CACNA1H: variants seen among roughly 807,000 people sequenced by gnomAD.
CACNA1H encodes calcium voltage-gated channel subunit alpha1 H.
CACNA1H carries 149 observed loss-of-function variants against 192.5 expected under a neutral mutation model. That is an observed-to-expected ratio of 0.77 (90% CI 0.68 to 0.89). The LOEUF (loss-of-function observed/expected upper bound fraction) is 0.89, where lower values mean the gene tolerates loss of function less well. CACNA1H is among the 40% of genes least tolerant of loss of function. The probability of loss-of-function intolerance (pLI) is 0.00; values close to 1 mark genes in which losing one functional copy is unlikely to be tolerated. For synonymous variants in CACNA1H, 2,202 were observed against 1,475.2 expected (o/e 1.49, Z -11.29); for missense variants, 4,257 against 3,423.5 (o/e 1.24, Z -6.08).
At chr16:1,219,194 G>A (rs1181533221) in intron 34 of CACNA1H, 64 bp downstream of exon 34, 70 of 1,421,098 alleles carry the variant, frequency 4.9e-5, no homozygotes, top group South Asian at 3.0e-4. Flanking sequence ...GGGATGCCTC[G>A]TCTCATCTGA....
intron 14 of CACNA1H, 98 bp from the exon 15 acceptor site, chr16:1,207,672 C>T (rs1341877309): frequency 1.7e-6 from 2 of 1,153,578 alleles, no homozygotes; most frequent in Non-Finnish European, 2.5e-6. Context: ...CCCTTCTGTC[C>T]ACACCCCACC....
chr16:1,195,999 C>G lies in CACNA1H; in HGVS notation c.619C>G (p.Leu207Val). ...AIRTVRVLRP[L>V]RAINRVPSMR... is the part of the protein sequence containing the mutation. ...CAGGACCGTGCGGGTGCTGCGGCCC[C>G]TCCGCGCCATCAACCGCGTGCCTAG... is the stretch of plus-strand genomic sequence containing the variant. The change falls in exon 5 of 35, where the codon CTC (leucine) becomes GTC (valine). Residue 207 changes from leucine (L) to valine (V), a missense_variant. Transcript: ENST00000348261. 6.2e-7 allele frequency: 1 copy of G among 1,612,956 alleles called. No individual in the cohort carries two copies. The highest frequency in any genetic ancestry group is 8.5e-7 in the Non-Finnish European group (1 of 1,179,784).
chr16:1,221,691 TA>T lies in CACNA1H; in HGVS notation c.*699del. On this transcript the variant is annotated 3_prime_UTR_variant, in exon 35 of 35. Coordinates refer to ENST00000348261, the MANE Select transcript of CACNA1H (RefSeq NM_021098.3). The stretch of plus-strand genomic sequence containing the variant: ...TTTAAATTCAGGTTAAATGTTGCAA[TA>T]ATCTGATGCAGAAGACTCAGCTTCT... The T allele has an allele frequency of 8.1e-7, 1 of 1,235,322 alleles. No homozygotes were observed. The highest frequency in any genetic ancestry group is 1.1e-6 in the Non-Finnish European group (1 of 902,250). 76.5% of individuals were successfully genotyped at this position (1,235,322 alleles called of 1,614,324 possible).
chr16:1,199,458 C>T (rs1363897918), intron 6 of CACNA1H, among the ~76,000 whole-genome samples: 1 of 96,938 alleles, frequency 1.0e-5, no homozygotes, highest in Non-Finnish European at 2.3e-5. Context: ...TGCATATATG[C>T]CCCACCCCCA....
At chr16:1,158,714 G>A (rs1053210762) in intron 2 of CACNA1H, among the ~76,000 whole-genome samples, 4 of 152,178 alleles carry the variant, frequency 2.6e-5, no homozygotes, top group Non-Finnish European at 5.9e-5. Flanking sequence ...CTGCGGCCGG[G>A]GCTGCCGGGC....
rs769867201 is a variant in CACNA1H at position 1,220,376 on chromosome 16, C to T, written c.6444C>T (p.Gly2148=). The T allele has an allele frequency of 4.1e-5, 62 of 1,523,268 alleles. No individual in the cohort carries two copies. The highest frequency in any genetic ancestry group is 5.2e-5 in the Non-Finnish European group (59 of 1,144,010). The allele number at this position is 1,523,268 out of a possible 1,614,324, so 94.4% of individuals were successfully genotyped here. A position where few individuals can be genotyped will look rare whatever the true frequency, so the allele number is the denominator to read the frequency against. ...VDAQGFLDKP[G]RADEQWRPSA... ...CTCAGGGCTTCCTGGACAAGCCGGGCCGGGCAGACGAGCAGTGGCGGCCCT... is the reference window on the plus strand; with the variant it reads ...CTCAGGGCTTCCTGGACAAGCCGGGTCGGGCAGACGAGCAGTGGCGGCCCT... The change falls in exon 35 of 35, where the codon GGC becomes GGT. Residue 2148 remains glycine (G), a synonymous_variant. Coordinates refer to ENST00000348261, the MANE Select transcript of CACNA1H (RefSeq NM_021098.3).
intron 2 of CACNA1H, among the ~76,000 whole-genome samples, chr16:1,172,443 C>T (rs1964461141): frequency 6.6e-6 from 1 of 151,826 alleles, no homozygotes; most frequent in African/African-American, 2.4e-5. Flanking sequence ...CCTCACCCTG[C>T]CCTGGGCCTG....
At chr16:1,178,415 C>T (rs1291712494) in intron 2 of CACNA1H, among the ~76,000 whole-genome samples, 1 of 151,342 alleles carries the variant, frequency 6.6e-6, no homozygotes, top group Non-Finnish European at 1.5e-5. Flanking sequence ...AGTCCTAACC[C>T]ACCCCCCCAA....
intron 2 of CACNA1H, among the ~76,000 whole-genome samples, chr16:1,188,505 A>G (rs1357282673): frequency 6.6e-6 from 1 of 151,968 alleles, no homozygotes; most frequent in African/African-American, 2.4e-5. Flanking sequence ...CGGCGCAGAG[A>G]TAGCAGCTGC....
intron 2 of CACNA1H, among the ~76,000 whole-genome samples, chr16:1,184,487 C>T (rs990346676): frequency 6.6e-5 from 10 of 152,372 alleles, no homozygotes; most frequent in South Asian, 2.1e-4. Context: ...CTGGGCTGCT[C>T]GTTTCCCGGC....
chr16:1,174,573 C>G (rs1228977548), intron 2 of CACNA1H, among the ~76,000 whole-genome samples: 3 of 152,094 alleles, frequency 2.0e-5, no homozygotes, highest in Admixed American at 2.0e-4. Context: ...AAGCCCCTGC[C>G]ACGCTCAGGG....
At chr16:1,207,249 A>T in intron 13 of CACNA1H, 26 bp from the exon 14 acceptor site, 1 of 1,580,916 alleles carries the variant, frequency 6.3e-7, no homozygotes, top group South Asian at 1.1e-5. Context: ...TGGGGTGACC[A>T]CCCCAGGCCC....
At chr16:1,190,150 T>C (rs1966470196) in intron 2 of CACNA1H, among the ~76,000 whole-genome samples, 1 of 152,184 alleles carries the variant, frequency 6.6e-6, no homozygotes, top group Non-Finnish European at 1.5e-5. Context: ...GCCCGGCCCT[T>C]CCCTGGCTGG....
intron 9 of CACNA1H, 124 bp downstream of exon 9, chr16:1,202,576 A>T: frequency 2.3e-6 from 2 of 883,106 alleles, no homozygotes; most frequent in Non-Finnish European, 3.3e-6. Context: ...GACTTGTGAA[A>T]CAGACCAGCT....
In CACNA1H at chr16:1,204,060, CT is replaced by C; in HGVS notation, c.2054del (p.Leu685ArgfsTer9). On this transcript the variant is annotated frameshift_variant, in exon 10 of 35. Coordinates refer to ENST00000348261, the MANE Select transcript of CACNA1H (RefSeq NM_021098.3). LOFTEE classifies it high-confidence loss of function. ...HLSGLSVPCP[L>X]PSPPAGTLTC... ...GTCGGGCCTCAGTGTGCCCTGCCCCCTGCCCAGCCCCCCAGCGGGCACACTG... is the reference window on the plus strand; with the variant it reads ...GTCGGGCCTCAGTGTGCCCTGCCCCCGCCCAGCCCCCCAGCGGGCACACTG... The C allele has an allele frequency of 6.3e-7, 1 of 1,596,704 alleles. No individual in the cohort carries two copies. The highest frequency in any genetic ancestry group is 8.5e-7 in the Non-Finnish European group (1 of 1,172,604).
At position 1,220,447 on chromosome 16, in the gene CACNA1H, G is replaced by C. The variant is rs756582534; in HGVS notation, c.6515G>C (p.Gly2172Ala). The change falls in exon 35 of 35, where the codon GGC (glycine) becomes GCC (alanine). Residue 2172 changes from glycine (G) to alanine (A), a missense_variant. By Grantham distance (60) the Gly-to-Ala change is moderately conservative. Coordinates refer to ENST00000348261, the MANE Select transcript of CACNA1H (RefSeq NM_021098.3). ...SGEPGEAKAW[G>A]PEAEPALGAR... Reference sequence around the variant, plus strand: ...GAGCCTGGGGAGGCGAAGGCCTGGGGCCCTGAGGCCGAGCCCGCTCTGGGT... The same window carrying C: ...GAGCCTGGGGAGGCGAAGGCCTGGGCCCCTGAGGCCGAGCCCGCTCTGGGT... 6.5e-7 allele frequency: 1 copy of C among 1,540,740 alleles called. No homozygotes were observed. The highest frequency in any genetic ancestry group is 1.3e-5 in the South Asian group (1 of 78,326).
rs545330647 is a variant in CACNA1H at position 1,187,868 on chromosome 16, C to T, written c.300-7104C>T. On this transcript the variant is annotated intron_variant, in intron 2 of 34. Transcript: ENST00000348261. ...TGAGGAGGGGCACACAGCCCCGCCTCCGTCCCTCTGTAGAAACATCTGTCC... is the reference window on the plus strand; with the variant it reads ...TGAGGAGGGGCACACAGCCCCGCCTTCGTCCCTCTGTAGAAACATCTGTCC... 4.5e-4 allele frequency among the ~76,000 whole-genome samples: 69 copies of T among 152,360 alleles called. 1 individual carries two copies. The highest frequency in any genetic ancestry group is 1.5e-3 in the African/African-American group (64 of 41,582).
At position 1,205,171 on chromosome 16, in the gene CACNA1H, G is replaced by T. The variant is rs758165431; in HGVS notation, c.2509G>T (p.Ala837Ser). The change falls in exon 11 of 35, where the codon GCC (alanine) becomes TCC (serine). Residue 837 changes from alanine to serine, a missense_variant. Physicochemically the swap from Ala to Ser is moderately conservative, Grantham distance 99 (BLOSUM62 1). Coordinates refer to ENST00000348261, the MANE Select transcript of CACNA1H (RefSeq NM_021098.3). ...CAACATCGTGTTCACCAGCATGTTTGCCCTGGAGATGCTGCTGAAGCTGCT... is the reference window on the plus strand; with the variant it reads ...CAACATCGTGTTCACCAGCATGTTTTCCCTGGAGATGCTGCTGAAGCTGCT... ...ISNIVFTSMF[A>S]LEMLLKLLAC... is the part of the protein sequence containing the mutation. The T allele has an allele frequency of 2.5e-6, 4 of 1,613,084 alleles. No homozygotes were observed. The highest frequency in any genetic ancestry group is 1.7e-4 in the Middle Eastern group (1 of 6,058).
At chr16:1,195,598 G>A (rs910918155) in intron 4 of CACNA1H, 33 bp downstream of exon 4, 1 of 1,576,212 alleles carries the variant, frequency 6.3e-7, no homozygotes, top group African/African-American at 1.4e-5. Flanking sequence ...CACAGCGCTG[G>A]CGAAGGGGCC....
Sources: gnomAD v4.1 joint callset for allele counts (sites outside exome capture counted in the v4.1 genomes callset) on GRCh38, gnomAD v4.1.1 for gene constraint, MANE v1.5 for transcripts, NCBI Gene and HGNC (gene_info 2026-07-23, HGNC 2026-07-21) for gene names.